GOLGB1: variants seen among roughly 807,000 people sequenced by gnomAD.
The protein encoded by GOLGB1 is golgin B1.
In GOLGB1, 174 loss-of-function variants were observed where a neutral mutation model predicts 336.9. The ratio of observed to expected loss-of-function variants is 0.52; its 90% CI spans 0.46 to 0.59. GOLGB1 has a LOEUF of 0.59. Ranked by LOEUF, GOLGB1 falls within the 20% of genes least tolerant of loss-of-function variation. GOLGB1 has a pLI of 0.00. For synonymous variants in GOLGB1, 1,208 were observed against 1,289.2 expected (o/e 0.94, Z 1.35); for missense variants, 3,331 against 3,645.3 (o/e 0.91, Z 2.22).
chr3:121,697,121 G>C lies in GOLGB1; in HGVS notation c.3402C>G (p.Asn1134Lys), dbSNP rs1943019956. The C allele has an allele frequency of 2.5e-6, 4 of 1,613,928 alleles. No individual in the cohort carries two copies. The highest frequency in any genetic ancestry group is 2.7e-5 in the African/African-American group (2 of 74,882). The change falls in exon 13 of 22, where the codon AAC (asparagine) becomes AAG (lysine). Residue 1134 changes from asparagine (N) to lysine (K), a missense_variant. By Grantham distance (94) the Asn-to-Lys change is moderately conservative (BLOSUM62 0). Coordinates refer to ENST00000614479, the MANE Select transcript of GOLGB1 (RefSeq NM_001366282.2). ...QAIIQKLITS[N>K]TDASDGDSVA... is the part of the protein sequence containing the mutation. ...CGGAGTCCCCATCACTTGCATCCGTGTTACTTGTGATTAACTTCTGGATAA... is the reference window on the plus strand; with the variant it reads ...CGGAGTCCCCATCACTTGCATCCGTCTTACTTGTGATTAACTTCTGGATAA...
chr3:121,723,688 T>C (rs905928782), intron 5 of GOLGB1, among the ~76,000 whole-genome samples: 4 of 152,260 alleles, frequency 2.6e-5, no homozygotes, highest in Non-Finnish European at 5.9e-5. Context: ...CCTATTACTA[T>C]TGGACAGTGC....
At chr3:121,707,334 C>T (rs1943966682) in intron 10 of GOLGB1, among the ~76,000 whole-genome samples, 1 of 150,818 alleles carries the variant, frequency 6.6e-6, no homozygotes, top group Non-Finnish European at 1.5e-5. Flanking sequence ...AAAAGAAGTC[C>T]TTCAGAGCCA....
chr3:121,710,814 A>G (rs376523750), intron 10 of GOLGB1, among the ~76,000 whole-genome samples: 224 of 152,050 alleles, frequency 1.5e-3, no homozygotes, highest in African/African-American at 4.9e-3. Context: ...CTGTCATCAC[A>G]CCACTACACC....
intron 10 of GOLGB1, among the ~76,000 whole-genome samples, chr3:121,709,139 T>C (rs911315853): frequency 6.6e-6 from 1 of 152,164 alleles, no homozygotes; most frequent in Non-Finnish European, 1.5e-5. Flanking sequence ...GAACACTTTA[T>C]CTGAAAAATA....
intron 5 of GOLGB1, among the ~76,000 whole-genome samples, chr3:121,722,981 A>C (rs1317825605): frequency 1.3e-5 from 2 of 152,214 alleles, no homozygotes; most frequent in African/African-American, 4.8e-5. Flanking sequence ...CAACTGACTC[A>C]TCATGGCTCC....
intron 14 of GOLGB1, among the ~76,000 whole-genome samples, chr3:121,689,031 C>CG (rs1332811585): frequency 6.7e-6 from 1 of 150,088 alleles, no homozygotes. Flanking sequence ...GTCAGCCCCC[C>CG]GCCCAGCCAG....
At chr3:121,747,153 TATATATATATA>T (rs1560351172) in intron 1 of GOLGB1, among the ~76,000 whole-genome samples, 3 of 20,322 alleles carry the variant, frequency 1.5e-4, no homozygotes, top group African/African-American at 3.0e-4. Flanking sequence ...ATGGATGTTA[TATATATATATA>T]TATATATATA....
Position 121,683,517 on chromosome 3 carries a change from G to A in GOLGB1, c.8695-1652C>T, listed in dbSNP as rs559550070. Reference sequence around the variant, plus strand: ...ATACTGAGATAAGGGCTACCAATAAGCTCAATAAGATCATCATGCAATGAA... The same window carrying A: ...ATACTGAGATAAGGGCTACCAATAAACTCAATAAGATCATCATGCAATGAA... On this transcript the variant is annotated intron_variant, in intron 14 of 21. Transcript: ENST00000614479. 3.9e-5 allele frequency among the ~76,000 whole-genome samples: 6 copies of A among 152,180 alleles called. No individual in the cohort carries two copies. The South Asian group carries it at 1.2e-3, about 32-fold the overall frequency.
At chr3:121,727,914 T>C (rs1945799005) in intron 4 of GOLGB1, among the ~76,000 whole-genome samples, 1 of 152,220 alleles carries the variant, frequency 6.6e-6, no homozygotes, top group African/African-American at 2.4e-5. Flanking sequence ...GACTGATTGC[T>C]GAAACTTAGA....
At position 121,697,036 on chromosome 3, in the gene GOLGB1, A is replaced by G. The variant is rs780770716; in HGVS notation, c.3487T>C (p.Trp1163Arg). The change falls in exon 13 of 22, where the codon TGG becomes CGG. Residue 1163 changes from tryptophan to arginine, a missense_variant. Coordinates refer to ENST00000614479, the MANE Select transcript of GOLGB1 (RefSeq NM_001366282.2). ...ATCTTTTCTTCTAGTTCTGGTTTCC[A>G]GTGTTCACTACTACCTGTACAAGGT... ...SPPCTGSSEH[W>R]KPELEEKILA... 1 of 1,614,016 alleles carries G rather than the reference A, an allele frequency of 6.2e-7. No individual in the cohort carries two copies. Among genetic ancestry groups the G allele is most frequent in the Non-Finnish European group, 8.5e-7 (1 of 1,179,962 alleles).
rs764886625 is a variant in GOLGB1, at chr3:121,698,045, A to G, written c.2478T>C (p.Asp826=). Reference sequence around the variant, plus strand: ...TCTGCTCAGAAAACTGAAGCTGCACATCATCCAGTTCATTCTGTAAAACTT... The same window carrying G: ...TCTGCTCAGAAAACTGAAGCTGCACGTCATCCAGTTCATTCTGTAAAACTT... ...KIEVLQNELD[D]VQLQFSEQST... Residue 826 remains aspartate (D), a synonymous_variant, in exon 13 of 22, where the codon GAT becomes GAC. Transcript: ENST00000614479. The G allele has an allele frequency of 2.2e-5, 35 of 1,614,004 alleles. No homozygotes were observed. The highest frequency in any genetic ancestry group is 2.7e-5 in the Non-Finnish European group (32 of 1,179,972).
At chr3:121,707,197 A>C (rs1943934972) in intron 10 of GOLGB1, among the ~76,000 whole-genome samples, 1 of 141,618 alleles carries the variant, frequency 7.1e-6, no homozygotes, top group Non-Finnish European at 1.5e-5. Flanking sequence ...ACTGCCCTCC[A>C]GCCTGGTGAC....
At position 121,691,074 on chromosome 3, in the gene GOLGB1, T is replaced by C; in HGVS notation, c.8290A>G (p.Arg2764Gly). ...TCCTTCAGACTGGCATCATATTTCCTTTTCAGTTCATCAAGTTCCTCATTG... is the reference window on the plus strand; with the variant it reads ...TCCTTCAGACTGGCATCATATTTCCCTTTCAGTTCATCAAGTTCCTCATTG... ...HANEELDELK[R>G]KYDASLKELA... Residue 2764 changes from arginine (R) to glycine (G), a missense_variant, in exon 14 of 22, where the codon AGG (arginine) becomes GGG (glycine). By Grantham distance (125) the Arg-to-Gly change is moderately radical. Transcript: ENST00000614479. 2 of 1,614,048 alleles carry C rather than the reference T, an allele frequency of 1.2e-6. No individual in the cohort carries two copies. The highest frequency in any genetic ancestry group is 1.3e-5 in the African/African-American group (1 of 75,070).
At chr3:121,681,651 T>C in intron 15 of GOLGB1, 36 bp downstream of exon 15, 1 of 1,396,154 alleles carries the variant, frequency 7.2e-7, no homozygotes, top group South Asian at 1.3e-5. Flanking sequence ...AAAGTTAAAA[T>C]GAAAAGAGTT....
Position 121,667,440 on chromosome 3 carries a change from C to T in GOLGB1, c.9554+36G>A, listed in dbSNP as rs761565770. On this transcript the variant is annotated intron_variant, in intron 20 of 21. Transcript: ENST00000614479. ...GTACATGAGTTTGATCAGAAAGGATCGGAAGGGAACAGAGGCTATCTCCTT... is the reference window on the plus strand; with the variant it reads ...GTACATGAGTTTGATCAGAAAGGATTGGAAGGGAACAGAGGCTATCTCCTT... 5.6e-6 allele frequency: 9 copies of T among 1,596,710 alleles called. No homozygotes were observed. The East Asian group carries it at 1.1e-4, about 20-fold the overall frequency.
chr3:121,676,474 T>C (rs1940394192), intron 17 of GOLGB1, among the ~76,000 whole-genome samples: 1 of 152,234 alleles, frequency 6.6e-6, no homozygotes, highest in Non-Finnish European at 1.5e-5. Flanking sequence ...AGTTCTATCA[T>C]AGACTACTTA....
chr3:121,668,154 G>A lies in GOLGB1; in HGVS notation c.9326C>T (p.Pro3109Leu). The A allele has an allele frequency of 6.4e-7, 1 of 1,570,892 alleles. No homozygotes were observed. The highest frequency in any genetic ancestry group is 8.7e-7 in the Non-Finnish European group (1 of 1,147,198). Residue 3109 changes from proline (P) to leucine (L), a missense_variant, in exon 19 of 22, where the codon CCA becomes CTA. Pro to Leu is a moderately conservative substitution (Grantham distance 98). Transcript: ENST00000614479. ...EKQVQELQAGPLNIDVAPGAP... is the reference protein window; with the variant it reads ...EKQVQELQAGLLNIDVAPGAP... ...TCCTGGAGCAACATCTATATTTAGT[G>A]GCCCCTGGAAGAAGAATAAGCTTAG...
At chr3:121,687,170 G>A (rs1445135357) in intron 14 of GOLGB1, among the ~76,000 whole-genome samples, 2 of 152,156 alleles carry the variant, frequency 1.3e-5, no homozygotes, top group East Asian at 3.9e-4. Flanking sequence ...GCTGAGGCAG[G>A]AGAATTGCTT....
chr3:121,689,926 T>A (rs1942255811), intron 14 of GOLGB1, among the ~76,000 whole-genome samples: 1 of 152,170 alleles, frequency 6.6e-6, no homozygotes, highest in Non-Finnish European at 1.5e-5. Flanking sequence ...AGCAGTAGAA[T>A]CCTGACAACC....
Sources: allele counts gnomAD v4.1 joint callset (sites outside exome capture counted in the v4.1 genomes callset), GRCh38; gene constraint gnomAD v4.1.1; transcripts MANE v1.5; gene names NCBI Gene and HGNC (gene_info 2026-07-23, HGNC 2026-07-21).